SAMMSON: variants seen among roughly 807,000 people sequenced by gnomAD.
SAMMSON encodes survival associated mitochondrial melanoma specific oncogenic non-coding RNA, also known as long intergenic non-protein coding RNA 1212.
intron 6 of SAMMSON, among the ~76,000 whole-genome samples, chr3:70,252,526 G>A (rs930311144): frequency 6.6e-6 from 1 of 152,114 alleles, no homozygotes; most frequent in Non-Finnish European, 1.5e-5. Flanking sequence ...GGTTACAATT[G>A]CAAAAGCTAA....
At chr3:70,340,310 G>A (rs918503842) in intron 7 of SAMMSON, among the ~76,000 whole-genome samples, 5 of 151,446 alleles carry the variant, frequency 3.3e-5, no homozygotes, top group Non-Finnish European at 7.4e-5. Context: ...GTTAATGGGT[G>A]CAGCACACCA....
chr3:70,408,575 GT>G (rs1011759299), intron 2 of SAMMSON, among the ~76,000 whole-genome samples: 4 of 152,090 alleles, frequency 2.6e-5, no homozygotes, highest in Non-Finnish European at 4.4e-5. Context: ...CTTTTCTCCA[GT>G]TCCCAACAAG....
At chr3:70,376,426 A>C (rs910570140) in intron 9 of SAMMSON, among the ~76,000 whole-genome samples, 5 of 152,210 alleles carry the variant, frequency 3.3e-5, no homozygotes, top group Non-Finnish European at 7.4e-5. Flanking sequence ...CTTATGTTGT[A>C]AGGCAGAACT....
intron 7 of SAMMSON, among the ~76,000 whole-genome samples, chr3:70,313,049 C>A (rs1164368143): frequency 6.6e-6 from 1 of 152,084 alleles, no homozygotes; most frequent in African/African-American, 2.4e-5. Flanking sequence ...TTTTTTCCAC[C>A]TAATATTTTA....
intron 3 of SAMMSON, among the ~76,000 whole-genome samples, chr3:70,021,846 G>T (rs1289207524): frequency 1.3e-5 from 2 of 152,144 alleles, no homozygotes; most frequent in Non-Finnish European, 2.9e-5. Context: ...GCTTGCAGCT[G>T]AGACTTATTG....
intron 7 of SAMMSON, among the ~76,000 whole-genome samples, chr3:70,304,607 G>C (rs1269582751): frequency 6.6e-6 from 1 of 152,076 alleles, no homozygotes; most frequent in African/African-American, 2.4e-5. Flanking sequence ...CAGTCCTGTT[G>C]GTTCTAACTT....
intron 3 of SAMMSON, among the ~76,000 whole-genome samples, chr3:70,035,114 G>A (rs139986576): frequency 1.3e-5 from 2 of 152,070 alleles, no homozygotes; most frequent in African/African-American, 4.8e-5. Context: ...TATGTGAAGG[G>A]GGGGATTCAC....
intron 7 of SAMMSON, among the ~76,000 whole-genome samples, chr3:70,322,584 C>A (rs1702545682): frequency 2.0e-5 from 3 of 152,126 alleles, no homozygotes; most frequent in Non-Finnish European, 4.4e-5. Flanking sequence ...TTTCTCTAGA[C>A]CACCTCTCAT....
At chr3:70,189,624 T>C (rs759737958) in intron 4 of SAMMSON, among the ~76,000 whole-genome samples, 2 of 152,184 alleles carry the variant, frequency 1.3e-5, no homozygotes, top group South Asian at 2.1e-4. Flanking sequence ...GTAAAAAATA[T>C]GTTGGTTGGA....
intron 6 of SAMMSON, among the ~76,000 whole-genome samples, chr3:70,286,457 T>C (rs1482536136): frequency 1.3e-5 from 2 of 151,934 alleles, no homozygotes; most frequent in Non-Finnish European, 2.9e-5. Flanking sequence ...TTTTGGTTAC[T>C]GTAGCCTTGT....
intron 9 of SAMMSON, among the ~76,000 whole-genome samples, chr3:70,383,824 G>A (rs1446330649): frequency 6.6e-6 from 1 of 151,842 alleles, no homozygotes; most frequent in Non-Finnish European, 1.5e-5. Context: ...TTTTAACTTT[G>A]CTACAAGTTA....
At chr3:70,140,058 C>A (rs1208651607) in intron 4 of SAMMSON, among the ~76,000 whole-genome samples, 1 of 152,082 alleles carries the variant, frequency 6.6e-6, no homozygotes, top group African/African-American at 2.4e-5. Flanking sequence ...TAAGTCATTT[C>A]TCTCTTCTCA....
intron 7 of SAMMSON, among the ~76,000 whole-genome samples, chr3:70,342,033 A>G (rs139254688): frequency 6.6e-6 from 1 of 152,252 alleles, no homozygotes; most frequent in East Asian, 1.9e-4. Context: ...CAATCCTCAA[A>G]TCCTCTTGTT....
chr3:70,335,672 T>C (rs1321742880), intron 7 of SAMMSON, among the ~76,000 whole-genome samples: 1 of 152,046 alleles, frequency 6.6e-6, no homozygotes, highest in Non-Finnish European at 1.5e-5. Context: ...TAATTTTTAG[T>C]CAATATCCTG....
chr3:70,014,625 A>T (rs560954731), intron 3 of SAMMSON: 1 of 152,196 alleles, frequency 6.6e-6, no homozygotes, highest in African/African-American at 2.4e-5. Context: ...TATCTACTCC[A>T]TGGAATTTCA....
At chr3:70,225,614 A>C (rs767146056) in intron 4 of SAMMSON, among the ~76,000 whole-genome samples, 1 of 152,220 alleles carries the variant, frequency 6.6e-6, no homozygotes, top group Admixed American at 6.5e-5. Context: ...TGCTAGAAGC[A>C]TGCCTAATTC....
At chr3:70,414,328 C>G (rs1701245282) in intron 2 of SAMMSON, among the ~76,000 whole-genome samples, 1 of 152,090 alleles carries the variant, frequency 6.6e-6, no homozygotes, top group Non-Finnish European at 1.5e-5. Context: ...AGATGCTAGA[C>G]TTTATCAAAA....
At chr3:70,147,546 T>A (rs1307441949) in intron 4 of SAMMSON, among the ~76,000 whole-genome samples, 1 of 152,028 alleles carries the variant, frequency 6.6e-6, no homozygotes, top group Non-Finnish European at 1.5e-5. Flanking sequence ...ATGAAGCAAT[T>A]CTTTGGAGAA....
intron 7 of SAMMSON, among the ~76,000 whole-genome samples, chr3:70,314,008 T>G (rs1195853386): frequency 6.6e-6 from 1 of 152,142 alleles, no homozygotes; most frequent in Admixed American, 6.6e-5. Context: ...TCAATACTCC[T>G]AGAAATGTTT....
Sources: gnomAD v4.1 joint callset for allele counts (sites outside exome capture counted in the v4.1 genomes callset) on GRCh38, gnomAD v4.1.1 for gene constraint, MANE v1.5 for transcripts, NCBI Gene and HGNC (gene_info 2026-07-23, HGNC 2026-07-21) for gene names.